Variants in SHROOM3 observed in about 807,000 individuals in gnomAD.
SHROOM3 encodes the protein protein Shroom3.
SHROOM3 carries 47 observed loss-of-function variants against 138.6 expected under a neutral mutation model. The ratio of observed to expected loss-of-function variants is 0.34; its 90% CI spans 0.27 to 0.43. SHROOM3 has a LOEUF of 0.43. SHROOM3 is among the 20% of genes least tolerant of loss of function. SHROOM3 has a pLI of 1.00. For missense variants in SHROOM3, 2,491 were observed against 2,596.5 expected (o/e 0.96, Z 0.88); for synonymous variants, 1,062 against 1,063.3 (o/e 1.00, Z 0.02).
intron 2 of SHROOM3, among the ~76,000 whole-genome samples, chr4:76,641,155 T>A (rs1156248116): frequency 2.0e-5 from 3 of 152,180 alleles, no homozygotes; most frequent in Non-Finnish European, 4.4e-5. Context: ...TTAATTTAAA[T>A]CATTAATGCA....
At chr4:76,661,588 G>A (rs768535833) in intron 2 of SHROOM3, among the ~76,000 whole-genome samples, 4 of 152,058 alleles carry the variant, frequency 2.6e-5, no homozygotes, top group Non-Finnish European at 5.9e-5. Flanking sequence ...TTTCCAGTCC[G>A]CTCTGCACCT....
At position 76,552,256 on chromosome 4, in the gene SHROOM3, C is replaced by G. The variant is rs188670132; in HGVS notation, c.169-3353C>G. ...GCACAGTGGCTCATGCCTGTAATCT[C>G]ACCACTTTGGGAGGCCAAAGTGGGA... On this transcript the variant is annotated intron_variant, in intron 1 of 10. Coordinates refer to ENST00000296043, the MANE Select transcript of SHROOM3 (RefSeq NM_020859.4). 9.2e-3 allele frequency among the ~76,000 whole-genome samples: 1,380 copies of G among 150,704 alleles called. 10 individuals carry two copies. Among genetic ancestry groups the G allele is most frequent in the South Asian group, 0.02 (94 of 4,778 alleles).
In SHROOM3 at chr4:76,755,176, G is replaced by A. The variant is rs764248000; in HGVS notation, c.4693G>A (p.Glu1565Lys). Residue 1565 changes from glutamate (E) to lysine (K), a missense_variant, in exon 7 of 11, where the codon GAG becomes AAG. Glu to Lys is a moderately conservative substitution (Grantham distance 56). Coordinates refer to ENST00000296043, the MANE Select transcript of SHROOM3 (RefSeq NM_020859.4). ...CEAQLDSEDP[E>K]GPRPSFNKLS... Reference sequence around the variant, plus strand: ...GGCGCAGCTGGACAGTGAGGATCCCGAGGGGCCACGCCCCAGGTGAGTGAG... The same window carrying A: ...GGCGCAGCTGGACAGTGAGGATCCCAAGGGGCCACGCCCCAGGTGAGTGAG... The A allele has an allele frequency of 1.9e-6, 3 of 1,613,262 alleles. No homozygotes were observed. Among genetic ancestry groups the A allele is most frequent in the Admixed American group, 3.3e-5 (2 of 59,912 alleles).
At chr4:76,770,946 C>T in intron 10 of SHROOM3, 48 bp downstream of exon 10, 1 of 1,610,892 alleles carries the variant, frequency 6.2e-7, no homozygotes, top group Non-Finnish European at 8.5e-7. Flanking sequence ...TCAAAGCCCA[C>T]ATACATAGAG....
chr4:76,611,797 C>G (rs928800465), intron 2 of SHROOM3, among the ~76,000 whole-genome samples: 4 of 152,158 alleles, frequency 2.6e-5, no homozygotes, highest in African/African-American at 4.8e-5. Context: ...GGAGACTGCC[C>G]GTCAGGCACA....
chr4:76,706,586 C>T (rs958719107), intron 2 of SHROOM3, among the ~76,000 whole-genome samples: 8 of 151,710 alleles, frequency 5.3e-5, no homozygotes, highest in Non-Finnish European at 7.4e-5. Flanking sequence ...CAGAGATGGA[C>T]GAAGAGGTGG....
At position 76,778,291 on chromosome 4, in the gene SHROOM3, G is replaced by T. The variant is rs940697003; in HGVS notation, c.5623-518G>T. Among the ~76,000 whole-genome samples the T allele has an allele frequency of 1.7e-4, 25 of 150,356 alleles. No homozygotes were observed. The South Asian group carries it at 5.1e-3, about 30-fold the overall frequency. On this transcript the variant is annotated intron_variant, in intron 10 of 10. Coordinates refer to ENST00000296043, the MANE Select transcript of SHROOM3 (RefSeq NM_020859.4). ...AGGCTGGAGTGCAGTGGCACATCTC[G>T]GCTCACTGCAACCTCTGCCTCCTGG...
chr4:76,767,414 C>T (rs943157750), intron 9 of SHROOM3, among the ~76,000 whole-genome samples: 4 of 152,222 alleles, frequency 2.6e-5, no homozygotes, highest in African/African-American at 9.6e-5. Context: ...CGCGGTGGCT[C>T]ACACCTGTAA....
chr4:76,483,293 C>A (rs1278908362), intron 1 of SHROOM3, among the ~76,000 whole-genome samples: 2 of 152,084 alleles, frequency 1.3e-5, no homozygotes, highest in Non-Finnish European at 2.9e-5. Context: ...AGAACTTAAA[C>A]AAATTTATAA....
At chr4:76,443,797 G>A (rs562138921) in intron 1 of SHROOM3, among the ~76,000 whole-genome samples, 12 of 152,292 alleles carry the variant, frequency 7.9e-5, no homozygotes, top group Admixed American at 3.9e-4. Flanking sequence ...TTGGCAGACC[G>A]ATGTACAGAA....
At chr4:76,444,583 A>G (rs1011618616) in intron 1 of SHROOM3, among the ~76,000 whole-genome samples, 4 of 124,094 alleles carry the variant, frequency 3.2e-5, no homozygotes, top group Admixed American at 1.1e-4. Context: ...TGCAACCTCC[A>G]CCTCCCGGGT....
intron 3 of SHROOM3, among the ~76,000 whole-genome samples, chr4:76,729,770 A>G (rs1031891588): frequency 1.3e-5 from 2 of 152,220 alleles, no homozygotes; most frequent in African/African-American, 4.8e-5. Flanking sequence ...AATACATTAA[A>G]TTTTATTAGC....
At chr4:76,718,721 G>A (rs111571122) in intron 3 of SHROOM3, among the ~76,000 whole-genome samples, 22 of 152,140 alleles carry the variant, frequency 1.4e-4, no homozygotes, top group African/African-American at 5.3e-4. Flanking sequence ...GTTTGGGAGG[G>A]ATTTGCTTTT....
intron 2 of SHROOM3, among the ~76,000 whole-genome samples, chr4:76,677,577 C>G (rs897371220): frequency 5.4e-4 from 82 of 152,280 alleles, no homozygotes; most frequent in African/African-American, 1.9e-3. Flanking sequence ...TGGCGCAACT[C>G]TTTGTGGGCA....
At chr4:76,495,985 G>A (rs960911126) in intron 1 of SHROOM3, among the ~76,000 whole-genome samples, 3 of 152,230 alleles carry the variant, frequency 2.0e-5, no homozygotes, top group Non-Finnish European at 4.4e-5. Flanking sequence ...TAGTTTGAGA[G>A]AAAATGGAGG....
intron 1 of SHROOM3, among the ~76,000 whole-genome samples, chr4:76,516,457 G>T (rs1278195763): frequency 6.6e-6 from 1 of 152,054 alleles, no homozygotes; most frequent in Non-Finnish European, 1.5e-5. Flanking sequence ...GGGTTCCCTT[G>T]TAAGACCATC....
At chr4:76,567,099 C>A (rs947499632) in intron 2 of SHROOM3, among the ~76,000 whole-genome samples, 1 of 152,194 alleles carries the variant, frequency 6.6e-6, no homozygotes, top group African/African-American at 2.4e-5. Context: ...AAACTCTAGT[C>A]TGATGCTGCG....
intron 1 of SHROOM3, among the ~76,000 whole-genome samples, chr4:76,529,974 G>A (rs1404172452): frequency 1.3e-5 from 2 of 152,180 alleles, no homozygotes; most frequent in African/African-American, 2.4e-5. Flanking sequence ...AAATTGAATA[G>A]CATGGTATGT....
intron 1 of SHROOM3, among the ~76,000 whole-genome samples, chr4:76,522,151 C>CT (rs35818041): frequency 9.4e-4 from 132 of 140,488 alleles, no homozygotes; most frequent in African/African-American, 3.0e-3. Context: ...CTGATTGGAT[C>CT]TTTTTTTTTT....
Sources: gnomAD v4.1 joint callset for allele counts (sites outside exome capture counted in the v4.1 genomes callset) on GRCh38, gnomAD v4.1.1 for gene constraint, MANE v1.5 for transcripts, NCBI Gene and HGNC (gene_info 2026-07-23, HGNC 2026-07-21) for gene names.